Variants in TSPAN18 observed in about 807,000 individuals in gnomAD.
TSPAN18 encodes the protein tetraspanin-18.
Under a neutral mutation model 27.3 loss-of-function variants are expected in TSPAN18, and 14 were observed. That is an observed-to-expected ratio of 0.51 (90% CI 0.34 to 0.80). The LOEUF is 0.80. TSPAN18 is among the 30% of genes least tolerant of loss of function. The pLI is 0.01. For missense variants in TSPAN18, 268 were observed against 323.9 expected (o/e 0.83, Z 1.32); for synonymous variants, 143 against 136.5 (o/e 1.05, Z -0.33).
intron 4 of TSPAN18, among the ~76,000 whole-genome samples, chr11:44,908,194 A>C (rs1859528553): frequency 6.6e-6 from 1 of 152,014 alleles, no homozygotes. Flanking sequence ...TCCTGCCCTA[A>C]GGTCGCCTAC....
intron 2 of TSPAN18, among the ~76,000 whole-genome samples, chr11:44,786,720 C>T (rs1246252269): frequency 6.6e-6 from 1 of 151,248 alleles, no homozygotes; most frequent in Non-Finnish European, 1.5e-5. Context: ...CAACCTCTGT[C>T]CCCTGGGTTC....
chr11:44,906,339 G>A (rs1859450975), intron 3 of TSPAN18, 68 bp from the exon 4 acceptor site: 1 of 1,430,786 alleles, frequency 7.0e-7, no homozygotes, highest in South Asian at 1.1e-5. Context: ...GAACCCCTGG[G>A]GAGGGGCTGG....
intron 2 of TSPAN18, among the ~76,000 whole-genome samples, chr11:44,768,128 T>A (rs1311024274): frequency 6.6e-6 from 1 of 152,244 alleles, no homozygotes; most frequent in East Asian, 1.9e-4. Flanking sequence ...AGTTTGTTGA[T>A]ATCCATAAAA....
intron 3 of TSPAN18, among the ~76,000 whole-genome samples, chr11:44,891,692 G>T (rs1858854971): frequency 6.6e-6 from 1 of 152,166 alleles, no homozygotes; most frequent in Non-Finnish European, 1.5e-5. Flanking sequence ...TGTATAGGGG[G>T]TTCCTGAGGG....
chr11:44,769,844 A>G (rs969768675), intron 2 of TSPAN18, among the ~76,000 whole-genome samples: 6 of 152,124 alleles, frequency 3.9e-5, no homozygotes, highest in African/African-American at 1.4e-4. Flanking sequence ...TATTGATTTT[A>G]TAGATCTTTT....
chr11:44,809,645 G>A (rs1409759537), intron 2 of TSPAN18, among the ~76,000 whole-genome samples: 1 of 116,064 alleles, frequency 8.6e-6, no homozygotes, highest in Non-Finnish European at 2.2e-5. Context: ...TATCTCAAGA[G>A]GTGTGATAGC....
At chr11:44,883,188 C>T (rs942448986) in intron 3 of TSPAN18, among the ~76,000 whole-genome samples, 5 of 152,206 alleles carry the variant, frequency 3.3e-5, no homozygotes, top group South Asian at 2.1e-4. Flanking sequence ...ATTTTAGTGA[C>T]GTTTCTTAGC....
intron 2 of TSPAN18, among the ~76,000 whole-genome samples, chr11:44,810,892 A>T (rs1473015374): frequency 1.3e-5 from 2 of 152,114 alleles, no homozygotes; most frequent in Non-Finnish European, 2.9e-5. Context: ...TACAGGTGTG[A>T]GCCACCAAGC....
At chr11:44,751,833 A>C (rs1012686063) in intron 1 of TSPAN18, among the ~76,000 whole-genome samples, 3 of 152,102 alleles carry the variant, frequency 2.0e-5, no homozygotes, top group African/African-American at 7.2e-5. Context: ...AAGCTGAGGC[A>C]GGAGAATCCC....
At chr11:44,923,311 G>A (rs1860215441) in intron 8 of TSPAN18, among the ~76,000 whole-genome samples, 1 of 152,108 alleles carries the variant, frequency 6.6e-6, no homozygotes. Context: ...TGGCAGCAGG[G>A]GGTGGGGGAT....
At chr11:44,813,521 A>G (rs1254010817) in intron 2 of TSPAN18, among the ~76,000 whole-genome samples, 1 of 152,236 alleles carries the variant, frequency 6.6e-6, no homozygotes, top group Non-Finnish European at 1.5e-5. Flanking sequence ...TCTCATGTCC[A>G]GGAGTGGCTG....
At chr11:44,745,260 G>A (rs915716376) in intron 1 of TSPAN18, among the ~76,000 whole-genome samples, 2 of 152,194 alleles carry the variant, frequency 1.3e-5, no homozygotes, top group African/African-American at 4.8e-5. Context: ...CCATTCAAGT[G>A]ATTTTAATAT....
chr11:44,853,621 A>G (rs1026465640), intron 2 of TSPAN18, among the ~76,000 whole-genome samples: 1 of 152,198 alleles, frequency 6.6e-6, no homozygotes, highest in African/African-American at 2.4e-5. Flanking sequence ...TACCCAGCCA[A>G]TAACTGGTAG....
chr11:44,744,516 C>T (rs958488435), intron 1 of TSPAN18, among the ~76,000 whole-genome samples: 6 of 152,182 alleles, frequency 3.9e-5, no homozygotes, highest in Non-Finnish European at 7.3e-5. Flanking sequence ...CAAGTTCTAG[C>T]TTTGACCAGG....
At chr11:44,925,409 G>T (rs1024647135) in intron 8 of TSPAN18, among the ~76,000 whole-genome samples, 1 of 152,132 alleles carries the variant, frequency 6.6e-6, no homozygotes, top group Non-Finnish European at 1.5e-5. Context: ...TGTCCTGTTT[G>T]CTCCATGGGG....
At chr11:44,919,519 C>A in intron 7 of TSPAN18, 2 of 620,328 alleles carry the variant, frequency 3.2e-6, no homozygotes, top group Non-Finnish European at 5.8e-6. Context: ...CTCTCCCTGT[C>A]TTGGGTCCCC....
intron 3 of TSPAN18, chr11:44,897,617 A>G: frequency 2.2e-6 from 1 of 460,164 alleles, no homozygotes; most frequent in Non-Finnish European, 3.9e-6. Flanking sequence ...CATGAGCTCT[A>G]ATGGGCCCAG....
chr11:44,863,689 C>G (rs936656966), intron 3 of TSPAN18, among the ~76,000 whole-genome samples: 5 of 152,186 alleles, frequency 3.3e-5, no homozygotes, highest in Admixed American at 6.5e-5. Context: ...TTGTCAAGCT[C>G]CTTCCGCTTG....
intron 1 of TSPAN18, among the ~76,000 whole-genome samples, chr11:44,748,402 G>GAA (rs550665381): frequency 4.3e-5 from 5 of 115,816 alleles, no homozygotes; most frequent in East Asian, 5.1e-4. Flanking sequence ...TTTCTCAAAA[G>GAA]AAAAAAAAAA....
Sources: allele counts gnomAD v4.1 joint callset (sites outside exome capture counted in the v4.1 genomes callset), GRCh38; gene constraint gnomAD v4.1.1; transcripts MANE v1.5; gene names NCBI Gene and HGNC (gene_info 2026-07-23, HGNC 2026-07-21).